Variants in ZNF804A observed in about 807,000 individuals in gnomAD.
The protein encoded by ZNF804A is zinc finger protein 804A.
In ZNF804A, 2 loss-of-function variants were observed where a neutral mutation model predicts 16.5. The observed-to-expected ratio is 0.12, with a 90% CI of 0.05 to 0.38. The LOEUF (loss-of-function observed/expected upper bound fraction) is 0.38, where lower values mean the gene tolerates loss of function less well. ZNF804A is among the 10% of genes least tolerant of loss of function. The probability of loss-of-function intolerance (pLI) is 0.99; values close to 1 mark genes in which losing one functional copy is unlikely to be tolerated. For missense variants in ZNF804A, 1,473 were observed against 1,390.7 expected (o/e 1.06, Z -0.94); for synonymous variants, 534 against 489.6 (o/e 1.09, Z -1.20).
chr2:184,871,312 G>T (rs995057039), intron 2 of ZNF804A, among the ~76,000 whole-genome samples: 3 of 151,528 alleles, frequency 2.0e-5, no homozygotes, highest in Non-Finnish European at 4.4e-5. Context: ...TTTGTAACCT[G>T]GGAAGTGAAC....
intron 1 of ZNF804A, among the ~76,000 whole-genome samples, chr2:184,856,229 AT>A (rs1482139419): frequency 1.3e-5 from 2 of 152,096 alleles, no homozygotes; most frequent in East Asian, 3.9e-4. Context: ...TAAAACACAT[AT>A]TGTTAATGAA....
chr2:184,666,473 T>C (rs1692257453), intron 1 of ZNF804A, among the ~76,000 whole-genome samples: 1 of 151,970 alleles, frequency 6.6e-6, no homozygotes, highest in South Asian at 2.1e-4. Flanking sequence ...CATATGCAAA[T>C]AGAAAAATGT....
chr2:184,859,056 GA>G (rs1695750077), intron 1 of ZNF804A, among the ~76,000 whole-genome samples: 3 of 151,950 alleles, frequency 2.0e-5, no homozygotes. Flanking sequence ...TATGTTATTC[GA>G]TTCTTTTTTA....
chr2:184,734,658 T>A (rs1391638586), intron 1 of ZNF804A, among the ~76,000 whole-genome samples: 1 of 152,236 alleles, frequency 6.6e-6, no homozygotes, highest in Non-Finnish European at 1.5e-5. Context: ...TTTGATAATG[T>A]TGTTTATAGA....
intron 1 of ZNF804A, among the ~76,000 whole-genome samples, chr2:184,831,092 T>C (rs1695256060): frequency 6.6e-6 from 1 of 152,072 alleles, no homozygotes; most frequent in South Asian, 2.1e-4. Flanking sequence ...ACATTAAGAA[T>C]AAAAAGGCAT....
Position 184,718,244 on chromosome 2 carries a change from A to G in ZNF804A, c.111+119174A>G, listed in dbSNP as rs574629368. 1.0e-3 allele frequency among the ~76,000 whole-genome samples: 110 copies of G among 110,328 alleles called. No homozygotes were observed. The South Asian group carries it at 0.032, about 33-fold the overall frequency. 72.4% of individuals were successfully genotyped at this position (110,328 alleles called of 152,430 possible). The stretch of plus-strand genomic sequence containing the variant: ...ATTCACTGTCAGAAGAACAGCACAA[A>G]GAAAACCCACCCCCATAACTCAGTC... On this transcript the variant is annotated intron_variant, in intron 1 of 3. Coordinates refer to ENST00000302277, the MANE Select transcript of ZNF804A (RefSeq NM_194250.2).
chr2:184,626,461 AC>A (rs1374004006), intron 1 of ZNF804A, among the ~76,000 whole-genome samples: 1 of 152,176 alleles, frequency 6.6e-6, no homozygotes, highest in Non-Finnish European at 1.5e-5. Flanking sequence ...TTTTTCATAA[AC>A]TTAAATAATT....
chr2:184,799,345 A>G (rs147711936), intron 1 of ZNF804A, among the ~76,000 whole-genome samples: 222 of 152,116 alleles, frequency 1.5e-3, no homozygotes, highest in Non-Finnish European at 1.9e-3. Context: ...ATACTCATAT[A>G]AACCCCACTT....
chr2:184,741,429 T>C (rs896349738), intron 1 of ZNF804A, among the ~76,000 whole-genome samples: 1 of 152,164 alleles, frequency 6.6e-6, no homozygotes, highest in African/African-American at 2.4e-5. Flanking sequence ...TGGGGATTCA[T>C]CAACACATTT....
At chr2:184,713,172 T>G (rs1693157015) in intron 1 of ZNF804A, among the ~76,000 whole-genome samples, 1 of 151,818 alleles carries the variant, frequency 6.6e-6, no homozygotes, top group African/African-American at 2.4e-5. Context: ...GTAAAGGACC[T>G]TAACCAATCA....
intron 1 of ZNF804A, among the ~76,000 whole-genome samples, chr2:184,609,651 T>A (rs1691206115): frequency 6.6e-6 from 1 of 152,202 alleles, no homozygotes; most frequent in African/African-American, 2.4e-5. Flanking sequence ...CTCATAGCAT[T>A]CTCACATGAT....
intron 1 of ZNF804A, among the ~76,000 whole-genome samples, chr2:184,859,053 TTC>T (rs1695749828): frequency 2.0e-5 from 3 of 152,212 alleles, no homozygotes. Flanking sequence ...TTATATGTTA[TTC>T]GATTCTTTTT....
intron 2 of ZNF804A, among the ~76,000 whole-genome samples, chr2:184,899,512 TA>T (rs1685143103): frequency 6.6e-6 from 1 of 151,974 alleles, no homozygotes. Flanking sequence ...CTAGGGGATT[TA>T]AAAAGAAAAA....
intron 1 of ZNF804A, among the ~76,000 whole-genome samples, chr2:184,622,068 A>G (rs907786869): frequency 1.3e-5 from 2 of 151,814 alleles, no homozygotes; most frequent in Admixed American, 1.3e-4. Context: ...CTATTTGGAA[A>G]GTACTCTGAT....
intron 1 of ZNF804A, among the ~76,000 whole-genome samples, chr2:184,814,832 A>G (rs572987531): frequency 6.6e-6 from 1 of 152,146 alleles, no homozygotes; most frequent in Admixed American, 6.6e-5. Flanking sequence ...GTTAATAGGT[A>G]TAGTTTTAAG....
chr2:184,727,953 G>T (rs966295215), intron 1 of ZNF804A, among the ~76,000 whole-genome samples: 13 of 151,656 alleles, frequency 8.6e-5, no homozygotes, highest in African/African-American at 2.9e-4. Flanking sequence ...GGCAAACACG[G>T]TCTGTGAATT....
intron 1 of ZNF804A, among the ~76,000 whole-genome samples, chr2:184,754,602 A>G (rs961659614): frequency 3.3e-5 from 5 of 151,932 alleles, no homozygotes; most frequent in African/African-American, 1.2e-4. Context: ...GAAGGTAAAT[A>G]TCTCGAATTG....
chr2:184,746,874 T>A (rs1300902600), intron 1 of ZNF804A, among the ~76,000 whole-genome samples: 2 of 151,506 alleles, frequency 1.3e-5, no homozygotes, highest in Non-Finnish European at 3.0e-5. Context: ...TTATTGCAAA[T>A]GACAGGACTT....
intron 1 of ZNF804A, among the ~76,000 whole-genome samples, chr2:184,707,533 A>G (rs1170830711): frequency 6.6e-6 from 1 of 152,082 alleles, no homozygotes; most frequent in Non-Finnish European, 1.5e-5. Flanking sequence ...AAGTGAGAAC[A>G]TGTAGTATTT....
Sources: allele counts gnomAD v4.1 joint callset (sites outside exome capture counted in the v4.1 genomes callset), GRCh38; gene constraint gnomAD v4.1.1; transcripts MANE v1.5; gene names NCBI Gene and HGNC (gene_info 2026-07-23, HGNC 2026-07-21).